The following ROBO2 variants were observed in gnomAD, a reference collection of about 807,000 sequenced individuals.
ROBO2 encodes the protein roundabout homolog 2.
In ROBO2, 53 loss-of-function variants were observed where a neutral mutation model predicts 160.8. That is an observed-to-expected ratio of 0.33 (90% CI 0.26 to 0.41). The LOEUF is 0.41. Among genes scored for constraint, ROBO2 ranks in the 10% least tolerant of loss-of-function variants. The probability of loss-of-function intolerance (pLI) is 1.00; values close to 1 mark genes in which losing one functional copy is unlikely to be tolerated. For missense variants in ROBO2, 1,577 were observed against 1,722.4 expected, an observed-to-expected ratio of 0.92 and a Z score of 1.49; for synonymous variants, 664 against 611.7, an observed-to-expected ratio of 1.09 and a Z score of -1.26.
rs367681857 is a variant in ROBO2, at chr3:76,112,810, ATAAT to A, written c.109+175210_109+175213del. On this transcript the variant is annotated intron_variant, in intron 2 of 26. Coordinates refer to the ROBO2 transcript ENST00000487694. ...TTTCTAATTTTATAATGAAAATGCTATAATTTCATAAAGCAGTATTTATATGGTT... is the reference window on the plus strand; with the variant it reads ...TTTCTAATTTTATAATGAAAATGCTATTCATAAAGCAGTATTTATATGGTT... Among the ~76,000 whole-genome samples the A allele has an allele frequency of 1.2e-3, 179 of 152,258 alleles. 1 individual carries two copies. Among genetic ancestry groups the A allele is most frequent in the African/African-American group, 4.2e-3 (174 of 41,582 alleles).
At chr3:76,008,738 T>A (rs1281446731) in intron 2 of ROBO2, among the ~76,000 whole-genome samples, 2 of 14,282 alleles carry the variant, frequency 1.4e-4, no homozygotes, top group Non-Finnish European at 9.8e-4. Flanking sequence ...TAGAAGGGAT[T>A]TTTTTTTTTC....
At chr3:77,539,746 A>G (rs1038309003) in intron 6 of ROBO2, among the ~76,000 whole-genome samples, 1 of 152,182 alleles carries the variant, frequency 6.6e-6, no homozygotes, top group African/African-American at 2.4e-5. Flanking sequence ...AAAATCTTCA[A>G]ACTGAACTAA....
rs184234741 is a variant in ROBO2 at position 76,081,525 on chromosome 3, C to G, written c.109+143923C>G. ...TTAATCCTTCCCTATTTTTCAACAC[C>G]TGGCATAGAATTGGATGAGAATGAA... On this transcript the variant is annotated intron_variant, in intron 2 of 26. Coordinates refer to the ROBO2 transcript ENST00000487694. 1.8e-3 allele frequency among the ~76,000 whole-genome samples: 279 copies of G among 152,148 alleles called. 1 individual carries two copies. Among genetic ancestry groups the G allele is most frequent in the Non-Finnish European group, 3.5e-3 (241 of 67,972 alleles).
At chr3:76,980,445 C>T (rs1372257141) in intron 2 of ROBO2, among the ~76,000 whole-genome samples, 4 of 152,052 alleles carry the variant, frequency 2.6e-5, no homozygotes, top group Admixed American at 6.6e-5. Context: ...ATTTTCTATA[C>T]CAGACTGTGG....
chr3:76,451,364 C>T (rs1450524638), intron 2 of ROBO2, among the ~76,000 whole-genome samples: 3 of 152,110 alleles, frequency 2.0e-5, no homozygotes, highest in Non-Finnish European at 4.4e-5. Flanking sequence ...TTCTTAATGC[C>T]ACTTATCTAG....
At chr3:75,995,877 C>T (rs2065713325) in intron 2 of ROBO2, among the ~76,000 whole-genome samples, 1 of 152,168 alleles carries the variant, frequency 6.6e-6, no homozygotes. Context: ...GATTTAATTA[C>T]TACCTCACTG....
At chr3:76,234,611 G>A (rs1479734079) in intron 2 of ROBO2, among the ~76,000 whole-genome samples, 2 of 152,054 alleles carry the variant, frequency 1.3e-5, no homozygotes, top group Admixed American at 1.3e-4. Context: ...TTGTGGTTTT[G>A]ATTTGTATTT....
intron 2 of ROBO2, among the ~76,000 whole-genome samples, chr3:77,129,708 G>A (rs182230484): frequency 1.7e-3 from 258 of 152,264 alleles, no homozygotes; most frequent in African/African-American, 5.9e-3. Flanking sequence ...TCAGGTGCAG[G>A]CATTGCAGTT....
intron 1 of ROBO2, among the ~76,000 whole-genome samples, chr3:77,055,248 G>T (rs1364569454): frequency 6.6e-6 from 1 of 152,028 alleles, no homozygotes; most frequent in Non-Finnish European, 1.5e-5. Context: ...GTAACAAAGA[G>T]CATATAAATA....
At chr3:76,470,326 C>T (rs2078588764) in intron 2 of ROBO2, among the ~76,000 whole-genome samples, 1 of 152,160 alleles carries the variant, frequency 6.6e-6, no homozygotes, top group Non-Finnish European at 1.5e-5. Context: ...TTTATTATTT[C>T]TCATTGTCCC....
chr3:77,644,802 A>G, exon 25 of ROBO2: 2 of 1,614,098 alleles, frequency 1.2e-6, no homozygotes, highest in Non-Finnish European at 1.7e-6. Context: ...TGGACCTAGG[A>G]AAACCGAGGT....
intron 2 of ROBO2, among the ~76,000 whole-genome samples, chr3:76,666,152 A>G (rs750971768): frequency 1.3e-4 from 20 of 151,328 alleles, no homozygotes; most frequent in Non-Finnish European, 2.9e-4. Flanking sequence ...AACTGCTAGG[A>G]AAATGAATAA....
At chr3:77,600,334 T>G (rs1249498929) in intron 19 of ROBO2, among the ~76,000 whole-genome samples, 1 of 152,216 alleles carries the variant, frequency 6.6e-6, no homozygotes, top group Non-Finnish European at 1.5e-5. Flanking sequence ...CAAATCATAT[T>G]TGAAGACAAT....
rs528488263 is a variant in ROBO2, at chr3:77,249,119, G to A, written c.388+150779G>A. On this transcript the variant is annotated intron_variant, in intron 2 of 25. Coordinates refer to ENST00000461745, the Ensembl canonical transcript of ROBO2. ...CACCAGCCTCTGCTCCCAAAGTTCT[G>A]GGATTACAGGCGTGAGCCACCGCCC... 2.0e-5 allele frequency among the ~76,000 whole-genome samples: 3 copies of A among 152,108 alleles called. No individual in the cohort carries two copies. In the South Asian group the frequency reaches 6.2e-4, roughly 32 times the overall value.
chr3:77,343,718 A>G (rs1335634416), intron 2 of ROBO2, among the ~76,000 whole-genome samples: 1 of 152,190 alleles, frequency 6.6e-6, no homozygotes, highest in Non-Finnish European at 1.5e-5. Flanking sequence ...AGTAAATTAG[A>G]GACTTCTCAA....
intron 2 of ROBO2, among the ~76,000 whole-genome samples, chr3:76,935,030 G>T (rs1030094867): frequency 3.4e-5 from 5 of 148,148 alleles, no homozygotes; most frequent in African/African-American, 1.3e-4. Context: ...ACTGCTCACT[G>T]CAGTCTTGAC....
intron 2 of ROBO2, among the ~76,000 whole-genome samples, chr3:76,934,931 T>A (rs2077589062): frequency 6.6e-6 from 1 of 151,376 alleles, no homozygotes; most frequent in African/African-American, 2.4e-5. Context: ...GTTTTTACTT[T>A]ATTTTGAAAT....
intron 2 of ROBO2, among the ~76,000 whole-genome samples, chr3:76,254,712 T>G (rs1460213456): frequency 1.3e-5 from 2 of 148,930 alleles, no homozygotes; most frequent in Admixed American, 1.3e-4. Flanking sequence ...TATTAAAATT[T>G]TATAGACCTA....
In ROBO2 at chr3:76,682,422, C is replaced by T. The variant is rs57718917; in HGVS notation, c.110-415592C>T. ...TCTAAAAATAGTCTATTAAAAATTTCTTTTGAGACGGAGTCTTGCTCTGTT... is the reference window on the plus strand; with the variant it reads ...TCTAAAAATAGTCTATTAAAAATTTTTTTTGAGACGGAGTCTTGCTCTGTT... On this transcript the variant is annotated intron_variant, in intron 2 of 26. Transcript: ENST00000487694. 1.3e-3 allele frequency among the ~76,000 whole-genome samples: 200 copies of T among 151,424 alleles called. 1 individual carries two copies. The highest frequency in any genetic ancestry group is 1.9e-3 in the Non-Finnish European group (131 of 67,812).
Sources: allele counts gnomAD v4.1 joint callset (sites outside exome capture counted in the v4.1 genomes callset), GRCh38; gene constraint gnomAD v4.1.1; transcripts MANE v1.5; gene names NCBI Gene and HGNC (gene_info 2026-07-23, HGNC 2026-07-21).